The following THSD7B variants were observed in gnomAD, a reference collection of about 807,000 sequenced individuals.
The protein encoded by THSD7B is thrombospondin type-1 domain-containing protein 7B.
THSD7B carries 138 observed loss-of-function variants against 213.6 expected under a neutral mutation model. The observed-to-expected ratio is 0.65, with a 90% confidence interval of 0.56 to 0.74. The LOEUF (loss-of-function observed/expected upper bound fraction) is 0.74, where lower values mean the gene tolerates loss of function less well. Among genes scored for constraint, THSD7B ranks in the 30% least tolerant of loss-of-function variants. The pLI, the probability that THSD7B is intolerant of heterozygous loss-of-function variation, is 0.00. For synonymous variants in THSD7B, 742 were observed against 687.0 expected, an observed-to-expected ratio of 1.08 and a Z score of -1.25; for missense variants, 1,931 against 1,991.5, an observed-to-expected ratio of 0.97 and a Z score of 0.58.
intron 7 of THSD7B, among the ~76,000 whole-genome samples, chr2:137,188,146 G>C (rs959403975): frequency 4.6e-5 from 7 of 152,144 alleles, no homozygotes; most frequent in Non-Finnish European, 5.9e-5. Context: ...CAAGATGTAA[G>C]AGCTAAAAGA....
intron 15 of THSD7B, among the ~76,000 whole-genome samples, chr2:137,559,304 C>T (rs1355594734): frequency 6.6e-6 from 1 of 152,166 alleles, no homozygotes; most frequent in African/African-American, 2.4e-5. Flanking sequence ...CGCTACCTGA[C>T]TTCAAACTAT....
At chr2:136,844,227 T>G in intron 1 of THSD7B, among the ~76,000 whole-genome samples, 1 of 151,796 alleles carries the variant, frequency 6.6e-6, no homozygotes, top group African/African-American at 2.4e-5. Context: ...GTTGGAAGAG[T>G]GGAGAAGCCA....
chr2:137,586,202 A>G (rs1284941463), intron 17 of THSD7B, among the ~76,000 whole-genome samples: 3 of 152,008 alleles, frequency 2.0e-5, no homozygotes, highest in Admixed American at 6.6e-5. Flanking sequence ...ATCTTCCTCC[A>G]TCCCTTTCTT....
At chr2:136,998,541 G>A (rs1370369346) in intron 2 of THSD7B, among the ~76,000 whole-genome samples, 1 of 152,106 alleles carries the variant, frequency 6.6e-6, no homozygotes, top group Non-Finnish European at 1.5e-5. Flanking sequence ...TGAGGAATTA[G>A]ACTTTTAGTG....
At chr2:137,163,567 G>A (rs1680060650) in intron 6 of THSD7B, among the ~76,000 whole-genome samples, 1 of 152,158 alleles carries the variant, frequency 6.6e-6, no homozygotes, top group African/African-American at 2.4e-5. Context: ...ACCACCAGAA[G>A]CTAGGAGAGA....
intron 7 of THSD7B, among the ~76,000 whole-genome samples, chr2:137,203,674 T>C (rs1680923081): frequency 6.6e-6 from 1 of 152,026 alleles, no homozygotes; most frequent in African/African-American, 2.4e-5. Context: ...TATAGTGACA[T>C]TGGGGACTTC....
At chr2:136,871,759 A>G (rs1683435432) in intron 1 of THSD7B, among the ~76,000 whole-genome samples, 1 of 152,186 alleles carries the variant, frequency 6.6e-6, no homozygotes, top group South Asian at 2.1e-4. Flanking sequence ...TCATTGGGGA[A>G]GCTGAGGCAG....
chr2:137,307,850 C>T (rs542401854), intron 12 of THSD7B, among the ~76,000 whole-genome samples: 10 of 152,114 alleles, frequency 6.6e-5, no homozygotes, highest in African/African-American at 2.2e-4. Flanking sequence ...CAGGCAACTC[C>T]GGAAGCTGAC....
At chr2:137,008,239 A>G (rs1040112934) in intron 2 of THSD7B, among the ~76,000 whole-genome samples, 2 of 152,178 alleles carry the variant, frequency 1.3e-5, no homozygotes, top group African/African-American at 2.4e-5. Context: ...AAATGGTATA[A>G]TGATAGAGGA....
intron 2 of THSD7B, among the ~76,000 whole-genome samples, chr2:136,955,953 C>T (rs1032417538): frequency 1.0e-4 from 15 of 149,176 alleles, no homozygotes; most frequent in East Asian, 6.0e-4. Flanking sequence ...CCACCACGCC[C>T]GGGAGGCAGA....
At chr2:137,298,603 G>T (rs1461892390) in intron 12 of THSD7B, among the ~76,000 whole-genome samples, 5 of 152,150 alleles carry the variant, frequency 3.3e-5, no homozygotes, top group African/African-American at 1.2e-4. Flanking sequence ...GAGGTTTCGT[G>T]GGCTGGGCCC....
chr2:137,271,477 A>G lies in THSD7B; in HGVS notation c.2267-1056A>G, dbSNP rs1682738887. Among the ~76,000 whole-genome samples, 13 of 139,538 alleles carry G rather than the reference A, an allele frequency of 9.3e-5. 1 individual carries two copies. Among genetic ancestry groups the G allele is most frequent in the African/African-American group, 3.0e-4 (11 of 36,378 alleles). 91.5% of individuals were successfully genotyped at this position (139,538 alleles called of 152,430 possible). A position where few individuals can be genotyped will look rare whatever the true frequency, so the allele number is the denominator to read the frequency against. On this transcript the variant is annotated intron_variant, in intron 10 of 27. Transcript: ENST00000409968. ...TATAATATATAATATAATATATAAT[A>G]TAAAATCATATATATATTATTCATT...
At chr2:137,300,540 C>T (rs540750070) in intron 12 of THSD7B, among the ~76,000 whole-genome samples, 9 of 152,182 alleles carry the variant, frequency 5.9e-5, no homozygotes, top group Admixed American at 3.3e-4. Context: ...TACATATCCA[C>T]ATGGCAAATT....
chr2:137,376,410 G>A (rs1418711415), intron 12 of THSD7B, among the ~76,000 whole-genome samples: 2 of 152,186 alleles, frequency 1.3e-5, no homozygotes, highest in African/African-American at 2.4e-5. Context: ...GTGAAGTGCA[G>A]CAGGTGACTA....
chr2:137,446,668 A>G (rs2105060624), intron 14 of THSD7B, among the ~76,000 whole-genome samples: 1 of 149,496 alleles, frequency 6.7e-6, no homozygotes, highest in South Asian at 2.1e-4. Context: ...TAGAACACTA[A>G]AGTATCCCTA....
chr2:137,328,242 G>C (rs961627090), intron 12 of THSD7B, among the ~76,000 whole-genome samples: 1 of 152,088 alleles, frequency 6.6e-6, no homozygotes, highest in African/African-American at 2.4e-5. Flanking sequence ...TCCTATAAGA[G>C]TTTCTCTACT....
intron 3 of THSD7B, among the ~76,000 whole-genome samples, chr2:137,090,583 T>G (rs1028007014): frequency 3.3e-5 from 5 of 152,184 alleles, no homozygotes; most frequent in African/African-American, 4.8e-5. Context: ...TCTTTATATT[T>G]AAATATTTGG....
At chr2:137,588,850 A>G (rs1681802792) in intron 17 of THSD7B, among the ~76,000 whole-genome samples, 3 of 151,902 alleles carry the variant, frequency 2.0e-5, no homozygotes, top group African/African-American at 7.3e-5. Flanking sequence ...CAATGGCATG[A>G]TCTAAGCTCA....
At chr2:136,828,613 T>C (rs1682699252) in intron 1 of THSD7B, among the ~76,000 whole-genome samples, 1 of 152,226 alleles carries the variant, frequency 6.6e-6, no homozygotes, top group Non-Finnish European at 1.5e-5. Context: ...AAGCATCATC[T>C]TGTGCTCCGT....
Sources: allele counts gnomAD v4.1 joint callset (sites outside exome capture counted in the v4.1 genomes callset), GRCh38; gene constraint gnomAD v4.1.1; transcripts MANE v1.5; gene names NCBI Gene and HGNC (gene_info 2026-07-23, HGNC 2026-07-21).